The following CNTNAP2 variants were observed in gnomAD, a reference collection of about 807,000 sequenced individuals.
CNTNAP2 encodes contactin-associated protein-like 2.
In CNTNAP2, 98 loss-of-function variants were observed where a neutral mutation model predicts 155.2. The ratio of observed to expected loss-of-function variants is 0.63; its 90% CI spans 0.54 to 0.75. The LOEUF (loss-of-function observed/expected upper bound fraction) is 0.75, where lower values mean the gene tolerates loss of function less well. Among genes scored for constraint, CNTNAP2 ranks in the 30% least tolerant of loss-of-function variants. The pLI, the probability that CNTNAP2 is intolerant of heterozygous loss-of-function variation, is 0.00. For missense variants in CNTNAP2, 1,727 were observed against 1,688.1 expected (o/e 1.02, Z -0.40); for synonymous variants, 651 against 631.2 (o/e 1.03, Z -0.47).
At chr7:146,717,021 A>C (rs538825335) in intron 1 of CNTNAP2, among the ~76,000 whole-genome samples, 1 of 152,274 alleles carries the variant, frequency 6.6e-6, no homozygotes, top group South Asian at 2.1e-4. Context: ...AACAACTCCA[A>C]GATTGGTTTC....
At chr7:146,913,250 A>T (rs149753326) in intron 3 of CNTNAP2, among the ~76,000 whole-genome samples, 4 of 152,210 alleles carry the variant, frequency 2.6e-5, no homozygotes, top group African/African-American at 4.8e-5. Context: ...CGTGCATGGT[A>T]TCTGTAAGAG....
At chr7:146,869,817 C>T (rs1376417023) in intron 3 of CNTNAP2, among the ~76,000 whole-genome samples, 1 of 152,118 alleles carries the variant, frequency 6.6e-6, no homozygotes, top group East Asian at 1.9e-4. Context: ...GTTGCACTGT[C>T]AGCCAATTGG....
intron 14 of CNTNAP2, among the ~76,000 whole-genome samples, chr7:147,973,676 C>T (rs1406550680): frequency 6.6e-6 from 1 of 152,154 alleles, no homozygotes; most frequent in Non-Finnish European, 1.5e-5. Context: ...AGGTAATTTT[C>T]ACCTCATCTA....
At chr7:148,230,019 C>A (rs1245337967) in intron 20 of CNTNAP2, among the ~76,000 whole-genome samples, 1 of 152,152 alleles carries the variant, frequency 6.6e-6, no homozygotes, top group Non-Finnish European at 1.5e-5. Context: ...TCCGTATAGT[C>A]TTTCTGGTTT....
intron 15 of CNTNAP2, among the ~76,000 whole-genome samples, chr7:148,073,878 T>C (rs1035713560): frequency 1.2e-4 from 19 of 152,096 alleles, no homozygotes; most frequent in Non-Finnish European, 2.4e-4. Context: ...CCCATGTATA[T>C]AGAGAGCTGA....
At chr7:148,190,858 GAGAGA>G (rs1562989665) in intron 18 of CNTNAP2, 2 of 73,638 alleles carry the variant, frequency 2.7e-5, no homozygotes, top group Non-Finnish European at 5.0e-5. Context: ...GAAAGACAGA[GAGAGA>G]GAGAGAGAGA....
At chr7:146,900,083 G>T (rs936701242) in intron 3 of CNTNAP2, among the ~76,000 whole-genome samples, 1 of 152,114 alleles carries the variant, frequency 6.6e-6, no homozygotes, top group African/African-American at 2.4e-5. Context: ...TATAATTTCA[G>T]TACTACTTGT....
At chr7:146,490,285 A>G (rs912788535) in intron 1 of CNTNAP2, among the ~76,000 whole-genome samples, 3 of 152,246 alleles carry the variant, frequency 2.0e-5, no homozygotes, top group Non-Finnish European at 2.9e-5. Context: ...AAAATATGGC[A>G]GTGAATAATA....
chr7:146,498,669 G>A (rs1475763516), intron 1 of CNTNAP2, among the ~76,000 whole-genome samples: 5 of 132,320 alleles, frequency 3.8e-5, no homozygotes, highest in Non-Finnish European at 6.2e-5. Context: ...AAGTTGTATA[G>A]GAAGAAAGTT....
chr7:146,577,528 A>T (rs1365993079), intron 1 of CNTNAP2, among the ~76,000 whole-genome samples: 1 of 151,976 alleles, frequency 6.6e-6, no homozygotes, highest in Non-Finnish European at 1.5e-5. Context: ...AGACTTTTAA[A>T]TTTTTTTTGT....
At chr7:148,407,041 G>A (rs1799717553) in intron 22 of CNTNAP2, among the ~76,000 whole-genome samples, 1 of 152,172 alleles carries the variant, frequency 6.6e-6, no homozygotes, top group Non-Finnish European at 1.5e-5. Context: ...TTGGAAAGAA[G>A]TCTGACATAT....
At chr7:147,468,388 G>T (rs4725727) in intron 10 of CNTNAP2, among the ~76,000 whole-genome samples, 1 of 152,094 alleles carries the variant, frequency 6.6e-6, no homozygotes, top group Non-Finnish European at 1.5e-5. Flanking sequence ...TGATTAACTT[G>T]TGAAAATATA....
chr7:147,792,074 A>G (rs535045838), intron 13 of CNTNAP2, among the ~76,000 whole-genome samples: 8 of 152,258 alleles, frequency 5.3e-5, no homozygotes, highest in African/African-American at 1.9e-4. Context: ...TCTACAGGGG[A>G]TGTGGTCCTC....
At chr7:147,178,974 C>T (rs1012731857) in intron 8 of CNTNAP2, among the ~76,000 whole-genome samples, 1 of 152,070 alleles carries the variant, frequency 6.6e-6, no homozygotes, top group African/African-American at 2.4e-5. Context: ...TCATTTTCAT[C>T]AGAAGACTGA....
intron 21 of CNTNAP2, among the ~76,000 whole-genome samples, chr7:148,329,681 G>A (rs568169910): frequency 2.1e-4 from 32 of 152,290 alleles, no homozygotes; most frequent in Admixed American, 2.1e-3. Flanking sequence ...ATAGTCCCAA[G>A]GGTCAAAAAT....
At chr7:147,315,957 G>GTA (rs1233325447) in intron 9 of CNTNAP2, among the ~76,000 whole-genome samples, 1 of 151,702 alleles carries the variant, frequency 6.6e-6, no homozygotes, top group Admixed American at 6.6e-5. Context: ...ATATATGTGT[G>GTA]TATATATATG....
chr7:146,872,167 T>A (rs1487366890), intron 3 of CNTNAP2, among the ~76,000 whole-genome samples: 1 of 127,848 alleles, frequency 7.8e-6, no homozygotes, highest in Non-Finnish European at 1.7e-5. Flanking sequence ...ATTGAATTTT[T>A]TTTTTTTTTT....
chr7:146,612,536 T>C lies in CNTNAP2; in HGVS notation c.98-161735T>C, dbSNP rs576063393. On this transcript the variant is annotated intron_variant, in intron 1 of 23. Coordinates refer to ENST00000361727, the MANE Select transcript of CNTNAP2 (RefSeq NM_014141.6). ...AGAGATTATGAGTATCCATTCTTGT[T>C]GGCAGACCTTATTTGCTTATTTTAA... Among the ~76,000 whole-genome samples the C allele has an allele frequency of 1.7e-3, 254 of 152,304 alleles. 6 individuals carry two copies. The highest frequency in any genetic ancestry group is 3.4e-3 in the Middle Eastern group (1 of 294).
At chr7:147,459,362 A>G (rs1302034155) in intron 10 of CNTNAP2, among the ~76,000 whole-genome samples, 1 of 152,150 alleles carries the variant, frequency 6.6e-6, no homozygotes, top group Admixed American at 6.5e-5. Context: ...ACTGCTAGAA[A>G]AGTAGCCCTT....
Sources: gnomAD v4.1 joint callset for allele counts (sites outside exome capture counted in the v4.1 genomes callset) on GRCh38, gnomAD v4.1.1 for gene constraint, MANE v1.5 for transcripts, NCBI Gene and HGNC (gene_info 2026-07-23, HGNC 2026-07-21) for gene names.